DLG2: variants seen among roughly 807,000 people sequenced by gnomAD.
DLG2 encodes the protein disks large homolog 2.
In DLG2, 45 loss-of-function variants were observed where a neutral mutation model predicts 132.5. The ratio of observed to expected loss-of-function variants is 0.34; its 90% CI spans 0.27 to 0.44. DLG2 has a LOEUF of 0.44. DLG2 is among the 20% of genes least tolerant of loss of function. The pLI is 1.00. For missense variants in DLG2, 1,045 were observed against 1,196.9 expected, an observed-to-expected ratio of 0.87 and a Z score of 1.87; for synonymous variants, 424 against 419.6, an observed-to-expected ratio of 1.01 and a Z score of -0.13.
chr11:84,024,809 T>A (rs1477946233), intron 11 of DLG2, among the ~76,000 whole-genome samples: 1 of 151,494 alleles, frequency 6.6e-6, no homozygotes, highest in East Asian at 1.9e-4. Flanking sequence ...GGGAATATAT[T>A]TTTTCTTTTT....
At chr11:83,860,223 C>T (rs1323784825) in intron 16 of DLG2, among the ~76,000 whole-genome samples, 1 of 152,142 alleles carries the variant, frequency 6.6e-6, no homozygotes, top group Non-Finnish European at 1.5e-5. Flanking sequence ...ATCCTCCAGA[C>T]CCCAGAATGA....
At chr11:85,292,891 A>G (rs1393978806) in intron 3 of DLG2, among the ~76,000 whole-genome samples, 1 of 152,012 alleles carries the variant, frequency 6.6e-6, no homozygotes, top group African/African-American at 2.4e-5. Context: ...GAACAAGGAA[A>G]TTATGAGTCT....
chr11:85,513,814 A>C (rs952465749), intron 3 of DLG2, among the ~76,000 whole-genome samples: 1 of 151,942 alleles, frequency 6.6e-6, no homozygotes, highest in Non-Finnish European at 1.5e-5. Context: ...TAACCTATTG[A>C]TACTTCTAAC....
In DLG2 at chr11:84,432,991, T is replaced by C. The variant is rs539912360; in HGVS notation, c.519+101579A>G. On this transcript the variant is annotated intron_variant, in intron 7 of 27. Coordinates refer to ENST00000376104, the MANE Select transcript of DLG2 (RefSeq NM_001142699.3). The stretch of plus-strand genomic sequence containing the variant: ...GTGAGCTGAGATCACATCACTGTAC[T>C]CTAGTCTGGGCCACAGAGTGAGGCC... Among the ~76,000 whole-genome samples the C allele has an allele frequency of 4.6e-5, 7 of 152,256 alleles. No homozygotes were observed. In the East Asian group the frequency reaches 1.4e-3, roughly 29 times the overall value.
At chr11:85,491,708 G>T (rs908003360) in intron 3 of DLG2, among the ~76,000 whole-genome samples, 2 of 151,990 alleles carry the variant, frequency 1.3e-5, no homozygotes, top group Non-Finnish European at 2.9e-5. Context: ...TGAAAGACCT[G>T]TATACTGAAA....
chr11:85,195,932 G>A (rs912704116), intron 4 of DLG2, among the ~76,000 whole-genome samples: 3 of 151,880 alleles, frequency 2.0e-5, no homozygotes, highest in Non-Finnish European at 4.4e-5. Context: ...TTGGTTTTAT[G>A]GCAAAAAGAT....
rs533772544 is a variant in DLG2 at position 85,161,483 on chromosome 11, T to G, written c.187-6832A>C. Among the ~76,000 whole-genome samples the G allele has an allele frequency of 2.8e-4, 43 of 152,344 alleles. 1 individual carries two copies. The highest frequency in any genetic ancestry group is 2.3e-3 in the South Asian group (11 of 4,822). ...GGTGTCAGGTTGATTATATTGGACC[T>G]CTTCCATCATGGAAAAGGCAGAGGT... On this transcript the variant is annotated intron_variant, in intron 4 of 27. Coordinates refer to ENST00000376104, the MANE Select transcript of DLG2 (RefSeq NM_001142699.3).
chr11:84,880,105 T>G (rs904260694), intron 6 of DLG2, among the ~76,000 whole-genome samples: 1 of 152,066 alleles, frequency 6.6e-6, no homozygotes, highest in East Asian at 1.9e-4. Context: ...GTAGTAGTCA[T>G]AGTGAATGAG....
intron 6 of DLG2, among the ~76,000 whole-genome samples, chr11:84,780,405 T>C (rs1417929137): frequency 1.3e-5 from 2 of 152,036 alleles, no homozygotes; most frequent in Non-Finnish European, 2.9e-5. Context: ...ATATATAATA[T>C]ACACACAGGA....
intron 18 of DLG2, among the ~76,000 whole-genome samples, chr11:83,703,390 C>T (rs1350409778): frequency 8.5e-5 from 13 of 152,212 alleles, no homozygotes; most frequent in African/African-American, 3.1e-4. Flanking sequence ...TGGCTAATGC[C>T]TGTAATCCCA....
intron 3 of DLG2, among the ~76,000 whole-genome samples, chr11:85,482,858 G>A (rs1269037996): frequency 6.6e-6 from 1 of 152,158 alleles, no homozygotes; most frequent in East Asian, 1.9e-4. Flanking sequence ...AGACCTTACA[G>A]ACTAAGGCTC....
intron 18 of DLG2, among the ~76,000 whole-genome samples, chr11:83,745,794 G>A (rs1045104510): frequency 7.9e-5 from 12 of 151,284 alleles, no homozygotes; most frequent in South Asian, 2.1e-4. Flanking sequence ...AGAGTGAGAC[G>A]CTGCCTTAAA....
Position 83,466,691 on chromosome 11 carries a change from C to A in DLG2, c.2729+17G>T. The A allele has an allele frequency of 6.8e-7, 1 of 1,474,932 alleles. No individual in the cohort carries two copies. Among genetic ancestry groups the A allele is most frequent in the Non-Finnish European group, 9.5e-7 (1 of 1,053,104 alleles). 91.4% of individuals were successfully genotyped at this position (1,474,932 alleles called of 1,614,324 possible). On this transcript the variant is annotated intron_variant, in intron 26 of 27. Coordinates refer to ENST00000376104, the MANE Select transcript of DLG2 (RefSeq NM_001142699.3). ...AGGGAGTCAGTTGGATGAAGGCCTC[C>A]AATGCCCTCTACTCACATAAGAGGT...
intron 3 of DLG2, chr11:85,452,641 T>C: frequency 5.1e-6 from 1 of 195,514 alleles, no homozygotes; most frequent in Non-Finnish European, 1.1e-5. Context: ...ATCTCCATAC[T>C]GTGTATTGCC....
chr11:84,433,984 G>A (rs1385246118), intron 7 of DLG2, among the ~76,000 whole-genome samples: 1 of 151,906 alleles, frequency 6.6e-6, no homozygotes, highest in Admixed American at 6.6e-5. Context: ...CGGGCATATT[G>A]ACACACACAT....
intron 6 of DLG2, among the ~76,000 whole-genome samples, chr11:84,966,046 AATAAAGCACATG>A (rs1448691971): frequency 6.6e-6 from 1 of 152,066 alleles, no homozygotes; most frequent in Admixed American, 6.6e-5. Flanking sequence ...GTGTTTAATG[AATAAAGCACATG>A]TTTGGTATTT....
intron 3 of DLG2, among the ~76,000 whole-genome samples, chr11:85,550,489 A>AGTGGGGTTTGATCCCCCTGGTGCCACTGG (rs1254169178): frequency 3.9e-5 from 6 of 152,160 alleles, no homozygotes; most frequent in Non-Finnish European, 7.3e-5. Flanking sequence ...GGTCCAAGTG[A>AGTGGGGTTTGATCCCCCTGGTGCCACTGG]GTGGGGTTTG....
chr11:84,444,321 T>A (rs1184037762), intron 7 of DLG2, among the ~76,000 whole-genome samples: 1 of 152,134 alleles, frequency 6.6e-6, no homozygotes, highest in South Asian at 2.1e-4. Flanking sequence ...ACACCATGGC[T>A]CATGTTTCCC....
intron 3 of DLG2, among the ~76,000 whole-genome samples, chr11:85,321,891 T>A (rs1381038231): frequency 1.3e-5 from 2 of 151,980 alleles, no homozygotes; most frequent in African/African-American, 4.8e-5. Flanking sequence ...TAAGTGTGTA[T>A]AAATTTGTTG....
Sources: allele counts gnomAD v4.1 joint callset (sites outside exome capture counted in the v4.1 genomes callset), GRCh38; gene constraint gnomAD v4.1.1; transcripts MANE v1.5; gene names NCBI Gene and HGNC (gene_info 2026-07-23, HGNC 2026-07-21).